PRAME: variants seen among roughly 807,000 people sequenced by gnomAD.
The protein encoded by PRAME is melanoma antigen preferentially expressed in tumors.
In PRAME, 21 loss-of-function variants were observed where a neutral mutation model predicts 32.1. The ratio of observed to expected loss-of-function variants is 0.65; its 90% confidence interval spans 0.46 to 0.94. The LOEUF (loss-of-function observed/expected upper bound fraction) is 0.94, where lower values mean the gene tolerates loss of function less well. Among genes scored for constraint, PRAME ranks in the 40% least tolerant of loss-of-function variants. PRAME has a pLI of 0.00. For missense variants in PRAME, 651 were observed against 622.3 expected, an observed-to-expected ratio of 1.05 and a Z score of -0.49; for synonymous variants, 274 against 251.5, an observed-to-expected ratio of 1.09 and a Z score of -0.85.
intron 3 of PRAME, among the ~76,000 whole-genome samples, chr22:22,551,631 C>A (rs6002690): frequency 0.65 from 98,569 of 151,026 alleles, 32,493 homozygotes; most frequent in East Asian, 0.75. Flanking sequence ...ATTGGAAGTA[C>A]AATAAAAAAA....
At chr22:22,558,627 TAGGGTGGGGGC>T (rs1018053852) in intron 1 of PRAME, among the ~76,000 whole-genome samples, 2 of 64,266 alleles carry the variant, frequency 3.1e-5, no homozygotes, top group Non-Finnish European at 5.9e-5. Flanking sequence ...CACCAGACAG[TAGGGTGGGGGC>T]AGGGTGGAAA....
Position 22,557,544 on chromosome 22 carries a change from C to G in PRAME, c.-78+1G>C, listed in dbSNP as rs928427193. On this transcript the variant is annotated splice_donor_variant, in intron 2 of 5. Coordinates refer to ENST00000405655, the MANE Select transcript of PRAME (RefSeq NM_206956.3). LOFTEE classifies it low-confidence loss of function (5UTR_SPLICE). Reference sequence around the variant, plus strand: ...GCGGAGGAATCAGGGCTCGAACTTACGTTTTTCCTCAGAGAGTTCACCACA... The same window carrying G: ...GCGGAGGAATCAGGGCTCGAACTTAGGTTTTTCCTCAGAGAGTTCACCACA... 1 of 151,572 alleles carries G rather than the reference C, an allele frequency of 6.6e-6. No homozygotes were observed. Among genetic ancestry groups the G allele is most frequent in the African/African-American group, 2.4e-5 (1 of 40,992 alleles). 9.4% of individuals were successfully genotyped at this position (151,572 alleles called of 1,614,324 possible).
At chr22:22,557,048 A>T (rs2062971189) in intron 2 of PRAME, 139 bp from the exon 3 acceptor site, 3 of 617,478 alleles carry the variant, frequency 4.9e-6, no homozygotes, top group Non-Finnish European at 8.6e-6. Context: ...TTTCAGTGCA[A>T]ATCTCTGGCT....
chr22:22,551,239 T>C (rs1411440185), intron 3 of PRAME, 150 bp from the exon 4 acceptor site: 2 of 667,558 alleles, frequency 3.0e-6, no homozygotes, highest in African/African-American at 1.8e-5. Flanking sequence ...GATTCCACTC[T>C]GCACTCGGTG....
Position 22,547,810 on chromosome 22 carries a change from T to G in PRAME, c.*257A>C. The G allele has an allele frequency of 1.9e-6, 1 of 516,614 alleles. No individual in the cohort carries two copies. Among genetic ancestry groups the G allele is most frequent in the Non-Finnish European group, 3.4e-6 (1 of 294,464 alleles). 32.0% of individuals were successfully genotyped at this position (516,614 alleles called of 1,614,324 possible). A position where few individuals can be genotyped will look rare whatever the true frequency, so the allele number is the denominator to read the frequency against. On this transcript the variant is annotated 3_prime_UTR_variant, in exon 6 of 6. Transcript: ENST00000405655. The stretch of plus-strand genomic sequence containing the variant: ...CAGAATCTCCCTTTAGAAATTCAGA[T>G]TCTATTTCTAACTCTATAAGATGTA...
intron 3 of PRAME, among the ~76,000 whole-genome samples, chr22:22,551,486 C>T (rs368268587): frequency 3.3e-5 from 5 of 151,962 alleles, no homozygotes; most frequent in East Asian, 3.9e-4. Flanking sequence ...AGGACAGCAT[C>T]CTTCTCTGCT....
chr22:22,558,998 C>G lies in PRAME; in HGVS notation c.-141G>C, dbSNP rs1437077415. The G allele has an allele frequency of 6.2e-6, 1 of 162,114 alleles. No homozygotes were observed. The highest frequency in any genetic ancestry group is 2.0e-4 in the East Asian group (1 of 5,098). 10.0% of individuals were successfully genotyped at this position (162,114 alleles called of 1,614,324 possible). On this transcript the variant is annotated 5_prime_UTR_variant, in exon 1 of 6. Coordinates refer to ENST00000405655, the MANE Select transcript of PRAME (RefSeq NM_206956.3). ...TCTGGAGCGCGCGTTCCTCCCTGCT[C>G]CCGGGAGTCGGTTTCCCAGAACTTT...
intron 3 of PRAME, chr22:22,555,932 C>G (rs1479537850): frequency 2.1e-6 from 1 of 469,842 alleles, no homozygotes; most frequent in Non-Finnish European, 4.4e-6. Flanking sequence ...CGTCTGATTA[C>G]CCCGGGGAAA....
Position 22,556,729 on chromosome 22 carries a change from A to G in PRAME, c.21+83T>C, listed in dbSNP as rs1461598926. On this transcript the variant is annotated intron_variant, in intron 3 of 5. Coordinates refer to ENST00000405655, the MANE Select transcript of PRAME (RefSeq NM_206956.3). ...TCTACTGTGAGGGACCTCAGGATGC[A>G]GCTCCCATCTGGCTCGAGTGACAAG... The G allele has an allele frequency of 3.3e-6, 5 of 1,534,610 alleles. No individual in the cohort carries two copies. In the East Asian group the frequency reaches 9.0e-5, roughly 28 times the overall value.
intron 3 of PRAME, among the ~76,000 whole-genome samples, chr22:22,554,400 C>T (rs183071919): frequency 6.6e-6 from 1 of 151,970 alleles, no homozygotes; most frequent in South Asian, 2.1e-4. Flanking sequence ...CTACTTTTCA[C>T]CCTCAACACC....
At chr22:22,553,549 A>G (rs529296365) in intron 3 of PRAME, among the ~76,000 whole-genome samples, 2 of 151,996 alleles carry the variant, frequency 1.3e-5, no homozygotes, top group South Asian at 4.2e-4. Flanking sequence ...CAAGGTAATC[A>G]CTGAGGCAGG....
At chr22:22,554,575 C>CA (rs1399616076) in intron 3 of PRAME, among the ~76,000 whole-genome samples, 1 of 151,966 alleles carries the variant, frequency 6.6e-6, no homozygotes, top group East Asian at 2.0e-4. Context: ...GCAAAGGCCG[C>CA]AGCAGCTCTC....
In PRAME at chr22:22,559,236, A is replaced by AGGCCCGGCTTCTGGCTGCG. The variant is rs2063183623; in HGVS notation, c.-398_-380dup. On this transcript the variant is annotated 5_prime_UTR_variant, in exon 1 of 6. Coordinates refer to ENST00000405655, the MANE Select transcript of PRAME (RefSeq NM_206956.3). ...TCCCGGAGCGGTGCTGAGGCGCTGCAGGCCCGGCTTCTGGCTGCGGGGGAG... is the reference window on the plus strand; with the variant it reads ...TCCCGGAGCGGTGCTGAGGCGCTGCAGGCCCGGCTTCTGGCTGCGGGCCCGGCTTCTGGCTGCGGGGGAG... The AGGCCCGGCTTCTGGCTGCG allele has an allele frequency of 3.2e-6, 1 of 311,044 alleles. No individual in the cohort carries two copies. Among genetic ancestry groups the AGGCCCGGCTTCTGGCTGCG allele is most frequent in the Admixed American group, 6.0e-5 (1 of 16,730 alleles). 19.3% of individuals were successfully genotyped at this position (311,044 alleles called of 1,614,324 possible).
In PRAME at chr22:22,549,906, TG is replaced by T; in HGVS notation, c.772del (p.Gln258ArgfsTer2). Reference protein sequence around the residue: ...TLAKFSPYLGQMINLRRLLLS... With the variant: ...TLAKFSPYLGXMINLRRLLLS... Reference sequence around the variant, plus strand: ...GAGGAGTCTACGCAGATTAATCATCTGGCCCAGGTAAGGAGAAAATTTCGCC... The same window carrying T: ...GAGGAGTCTACGCAGATTAATCATCTGCCCAGGTAAGGAGAAAATTTCGCC... On this transcript the variant is annotated frameshift_variant, in exon 5 of 6. Coordinates refer to ENST00000405655, the MANE Select transcript of PRAME (RefSeq NM_206956.3). LOFTEE classifies it high-confidence loss of function. The T allele has an allele frequency of 6.2e-7, 1 of 1,613,824 alleles. No individual in the cohort carries two copies. The highest frequency in any genetic ancestry group is 1.3e-5 in the African/African-American group (1 of 74,962).
chr22:22,550,692 T>A, intron 4 of PRAME, 75 bp downstream of exon 4: 1 of 1,464,398 alleles, frequency 6.8e-7, no homozygotes, highest in East Asian at 2.3e-5. Context: ...CCTTAGGCGC[T>A]CCATGCTCCC....
chr22:22,554,016 C>T (rs1601824083), intron 3 of PRAME: 8 of 985,058 alleles, frequency 8.1e-6, no homozygotes, highest in African/African-American at 3.5e-5. Context: ...TTCTGGTCAG[C>T]GAGATGCAAT....
intron 3 of PRAME, among the ~76,000 whole-genome samples, chr22:22,555,237 G>C (rs1382236946): frequency 6.6e-6 from 1 of 151,892 alleles, no homozygotes; most frequent in Non-Finnish European, 1.5e-5. Flanking sequence ...TAGAATCCCA[G>C]TGGGGACCCC....
intron 1 of PRAME, among the ~76,000 whole-genome samples, chr22:22,558,561 G>C (rs1219098600): frequency 2.5e-4 from 28 of 112,184 alleles, no homozygotes; most frequent in Non-Finnish European, 7.4e-5. Flanking sequence ...AAGAAAGTCA[G>C]AAGGTGGGGG....
intron 2 of PRAME, chr22:22,557,193 C>G: frequency 2.9e-6 from 1 of 340,918 alleles, no homozygotes; most frequent in South Asian, 3.0e-5. Context: ...TGCCTCTGCT[C>G]CCGCCTTCCT....
Sources: gnomAD v4.1 joint callset for allele counts (sites outside exome capture counted in the v4.1 genomes callset) on GRCh38, gnomAD v4.1.1 for gene constraint, MANE v1.5 for transcripts, NCBI Gene and HGNC (gene_info 2026-07-23, HGNC 2026-07-21) for gene names.